SYTL5: variants seen among roughly 807,000 people sequenced by gnomAD.
The protein encoded by SYTL5 is synaptotagmin like 5, also known as synaptotagmin-like protein 5.
A neutral mutation model predicts 55.9 loss-of-function variants in SYTL5; 34 were observed. The ratio of observed to expected loss-of-function variants is 0.61; its 90% CI spans 0.46 to 0.81. SYTL5 has a LOEUF of 0.81. Ranked by LOEUF, SYTL5 falls within the 30% of genes least tolerant of loss-of-function variation. The pLI, the probability that SYTL5 is intolerant of heterozygous loss-of-function variation, is 0.00. For synonymous variants in SYTL5, 221 were observed against 188.7 expected, an observed-to-expected ratio of 1.17 and a Z score of -1.40; for missense variants, 637 against 546.7, an observed-to-expected ratio of 1.17 and a Z score of -1.65.
the SYTL5 span, among the ~76,000 whole-genome samples, chrX:37,934,694 G>A: frequency 1.9e-5 from 2 of 106,144 alleles, no homozygotes; most frequent in East Asian, 5.9e-4. Flanking sequence ...GAGTGCAGTG[G>A]CACGATCTTG....
chrX:38,094,264 A>G (rs1331926180), intron 7 of SYTL5, 31 bp from the exon 8 acceptor site: 14 of 1,165,416 alleles, frequency 1.2e-5, no homozygotes, highest in African/African-American at 3.6e-5. Flanking sequence ...CAGTCAGTAT[A>G]ATTTTTTTCT....
intron 2 of SYTL5, among the ~76,000 whole-genome samples, chrX:38,052,756 C>T (rs1342232288): frequency 8.9e-6 from 1 of 111,845 alleles, no homozygotes; most frequent in Non-Finnish European, 1.9e-5. Context: ...TTTAACACCA[C>T]AAATGTAAAA....
At chrX:37,991,040 G>C in the SYTL5 span, 21 of 1,209,801 alleles carry the variant, frequency 1.7e-5, no homozygotes, top group Non-Finnish European at 2.1e-5. Context: ...TCATGGAGCG[G>C]GTAGGCTTGG....
At chrX:37,948,414 GTTA>G in the SYTL5 span, among the ~76,000 whole-genome samples, 1 of 109,470 alleles carries the variant, frequency 9.1e-6, no homozygotes, top group Non-Finnish European at 1.9e-5. Context: ...ATTATTATAT[GTTA>G]TTATAAAATT....
chrX:37,925,553 T>G, the SYTL5 span, among the ~76,000 whole-genome samples: 2 of 111,866 alleles, frequency 1.8e-5, no homozygotes, highest in African/African-American at 3.2e-5. Context: ...TTACTCTTTT[T>G]AATAATAGCC....
the SYTL5 span, among the ~76,000 whole-genome samples, chrX:37,993,165 C>T: frequency 8.9e-6 from 1 of 112,008 alleles, no homozygotes; most frequent in Admixed American, 9.5e-5. Context: ...CACAGCTCTC[C>T]AGATGGTTGG....
chrX:37,934,691 G>A, the SYTL5 span, among the ~76,000 whole-genome samples: 9 of 104,972 alleles, frequency 8.6e-5, no homozygotes, highest in African/African-American at 3.2e-4. Flanking sequence ...CTGGAGTGCA[G>A]TGGCACGATC....
the SYTL5 span, among the ~76,000 whole-genome samples, chrX:37,924,493 C>T: frequency 9.0e-6 from 1 of 111,279 alleles, no homozygotes; most frequent in African/African-American, 3.3e-5. Flanking sequence ...GATGTAAATA[C>T]CTTAATGCGT....
intron 15 of SYTL5, among the ~76,000 whole-genome samples, chrX:38,123,521 T>G (rs1937594792): frequency 8.9e-6 from 1 of 111,764 alleles, no homozygotes; most frequent in Non-Finnish European, 1.9e-5. Context: ...CTGGCACATC[T>G]TCCCTTCACT....
At chrX:38,108,831 A>C in intron 12 of SYTL5, 132 bp downstream of exon 12, 1 of 430,686 alleles carries the variant, frequency 2.3e-6, no homozygotes, top group South Asian at 4.7e-5. Flanking sequence ...AATTTGAATA[A>C]ATTAACATAA....
chrX:37,981,652 C>A, the SYTL5 span, among the ~76,000 whole-genome samples: 1 of 111,634 alleles, frequency 9.0e-6, no homozygotes, highest in African/African-American at 3.3e-5. Flanking sequence ...AGAGCCCAGA[C>A]TAGATTGGAT....
At chrX:37,979,083 C>A in the SYTL5 span, among the ~76,000 whole-genome samples, 4 of 111,393 alleles carry the variant, frequency 3.6e-5, no homozygotes, top group Non-Finnish European at 7.5e-5. Flanking sequence ...GTGTGTGAGA[C>A]AGGTCTCCAT....
chrX:37,940,825 T>C, the SYTL5 span, among the ~76,000 whole-genome samples: 1 of 110,823 alleles, frequency 9.0e-6, no homozygotes, highest in East Asian at 2.8e-4. Context: ...AGGAGACTTA[T>C]TTGGAAAACC....
chrX:37,950,697 T>C, the SYTL5 span, among the ~76,000 whole-genome samples: 4 of 111,386 alleles, frequency 3.6e-5, no homozygotes, highest in African/African-American at 9.8e-5. Context: ...TTATAGAAAA[T>C]ATTATTCATT....
chrX:37,934,550 C>G, the SYTL5 span, among the ~76,000 whole-genome samples: 2 of 108,235 alleles, frequency 1.8e-5, no homozygotes, highest in East Asian at 5.8e-4. Context: ...ACCTGTGGGA[C>G]ACCAGCAGGC....
chrX:38,075,776 A>G (rs760789009), intron 5 of SYTL5, among the ~76,000 whole-genome samples: 1 of 112,268 alleles, frequency 8.9e-6, no homozygotes, highest in Admixed American at 9.4e-5. Context: ...TTTGGAATCC[A>G]TGTTTTCCTC....
At chrX:37,929,868 G>GA in the SYTL5 span, among the ~76,000 whole-genome samples, 1 of 111,655 alleles carries the variant, frequency 9.0e-6, no homozygotes, top group African/African-American at 3.3e-5. Flanking sequence ...CTTCTAAAAA[G>GA]AAAAAAATAT....
the SYTL5 span, among the ~76,000 whole-genome samples, chrX:37,957,117 TCA>T: frequency 0.36 from 39,717 of 109,425 alleles, 5,160 homozygotes; most frequent in East Asian, 0.6. Context: ...CAGTTTTTGC[TCA>T]CTTTTTAAAT....
At chrX:38,012,739 G>A (rs764478277) in intron 1 of SYTL5, among the ~76,000 whole-genome samples, 2 of 111,483 alleles carry the variant, frequency 1.8e-5, no homozygotes, top group Non-Finnish European at 3.8e-5. Flanking sequence ...ATTAAAATCA[G>A]TATATGATTA....
Sources: allele counts gnomAD v4.1 joint callset (sites outside exome capture counted in the v4.1 genomes callset), GRCh38; gene constraint gnomAD v4.1.1; transcripts MANE v1.5; gene names NCBI Gene and HGNC (gene_info 2026-07-23, HGNC 2026-07-21).